EEIG2: variants seen among roughly 807,000 people sequenced by gnomAD.
EEIG2 encodes EEIG family member 2.
the EEIG2 span, chr1:108,628,576 A>C: frequency 6.2e-7 from 1 of 1,604,490 alleles, no homozygotes; most frequent in Non-Finnish European, 8.5e-7. Flanking sequence ...CTTCAGAAAA[A>C]CTCAGCAGGT....
chr1:108,627,403 T>G, the EEIG2 span: 1 of 152,252 alleles, frequency 6.6e-6, no homozygotes, highest in Admixed American at 6.5e-5. Flanking sequence ...GCTTCTAAGT[T>G]AAAAACAGTT....
the EEIG2 span, among the ~76,000 whole-genome samples, chr1:108,587,002 T>G: frequency 6.6e-6 from 1 of 152,174 alleles, no homozygotes; most frequent in African/African-American, 2.4e-5. Context: ...TCCTGTTTCT[T>G]AAGATCTAAC....
At chr1:108,560,110 C>CGGCGGCGGCGG in the EEIG2 span, 1 of 175,514 alleles carries the variant, frequency 5.7e-6, no homozygotes, top group Admixed American at 6.5e-5. Flanking sequence ...AGACGGGCGG[C>CGGCGGCGGCGG]AGCGGCGGCG....
chr1:108,592,972 A>G, the EEIG2 span, among the ~76,000 whole-genome samples: 1 of 152,028 alleles, frequency 6.6e-6, no homozygotes, highest in Non-Finnish European at 1.5e-5. Flanking sequence ...AGCCTGGCCA[A>G]CTTGGTGAAA....
At chr1:108,562,027 A>T in the EEIG2 span, among the ~76,000 whole-genome samples, 2 of 152,192 alleles carry the variant, frequency 1.3e-5, no homozygotes, top group Non-Finnish European at 2.9e-5. Context: ...CTTTCGTTGT[A>T]GGCAGTCATT....
At chr1:108,569,352 C>G in the EEIG2 span, among the ~76,000 whole-genome samples, 1 of 152,214 alleles carries the variant, frequency 6.6e-6, no homozygotes, top group Non-Finnish European at 1.5e-5. Flanking sequence ...GGCAGTTACT[C>G]TGTTGCCCAG....
the EEIG2 span, among the ~76,000 whole-genome samples, chr1:108,634,059 C>G: frequency 2.0e-5 from 3 of 152,158 alleles, no homozygotes; most frequent in African/African-American, 7.2e-5. Flanking sequence ...CTAGTATGTG[C>G]AAACTGTCAT....
chr1:108,569,991 G>A, the EEIG2 span, among the ~76,000 whole-genome samples: 1 of 152,138 alleles, frequency 6.6e-6, no homozygotes, highest in Non-Finnish European at 1.5e-5. Flanking sequence ...GATTTCACTT[G>A]TCACTCAATT....
chr1:108,579,772 T>TGTGTGTGTGAGAGAGAGAGAGA, the EEIG2 span, among the ~76,000 whole-genome samples: 5 of 58,870 alleles, frequency 8.5e-5, no homozygotes, highest in African/African-American at 3.3e-4. Flanking sequence ...TGTGTGTGTG[T>TGTGTGTGTGAGAGAGAGAGAGA]GAGAGAGAGA....
chr1:108,588,728 C>CT, the EEIG2 span, among the ~76,000 whole-genome samples: 19,856 of 121,266 alleles, frequency 0.16, 2,111 homozygotes, highest in African/African-American at 0.33. Context: ...GGTTATTTGA[C>CT]TTTTTTTTTT....
At chr1:108,629,451 C>A in the EEIG2 span, 1 of 552,014 alleles carries the variant, frequency 1.8e-6, no homozygotes. Context: ...TATTTTAAAA[C>A]ATGTATATAA....
At chr1:108,581,585 CTT>C in the EEIG2 span, among the ~76,000 whole-genome samples, 17 of 152,252 alleles carry the variant, frequency 1.1e-4, no homozygotes, top group African/African-American at 4.1e-4. Flanking sequence ...TCATGGATGA[CTT>C]TGAGGGAGTC....
At chr1:108,583,699 T>G in the EEIG2 span, among the ~76,000 whole-genome samples, 1 of 152,098 alleles carries the variant, frequency 6.6e-6, no homozygotes, top group African/African-American at 2.4e-5. Context: ...GCTGAAAGTT[T>G]AAGTCTGAAA....
the EEIG2 span, among the ~76,000 whole-genome samples, chr1:108,592,404 C>G: frequency 6.6e-6 from 1 of 152,222 alleles, no homozygotes; most frequent in Non-Finnish European, 1.5e-5. Flanking sequence ...TTTGTTTGCA[C>G]ATCATGAGGT....
At chr1:108,609,069 A>C in the EEIG2 span, among the ~76,000 whole-genome samples, 1 of 152,232 alleles carries the variant, frequency 6.6e-6, no homozygotes, top group Non-Finnish European at 1.5e-5. Flanking sequence ...GGGTTTCAAC[A>C]TATGAATTTT....
chr1:108,606,263 G>A, the EEIG2 span: 4 of 1,548,146 alleles, frequency 2.6e-6, no homozygotes, highest in African/African-American at 4.1e-5. Context: ...GTAAGCAGAT[G>A]TTCTTTTAAC....
At chr1:108,612,429 A>G in the EEIG2 span, 7 of 569,620 alleles carry the variant, frequency 1.2e-5, no homozygotes, top group Non-Finnish European at 2.1e-5. Flanking sequence ...AGTATTCATC[A>G]CTTAGGGAAA....
chr1:108,620,419 G>A, the EEIG2 span, among the ~76,000 whole-genome samples: 1 of 152,114 alleles, frequency 6.6e-6, no homozygotes, highest in African/African-American at 2.4e-5. Flanking sequence ...TTATTGCATA[G>A]TTCTCTACAA....
At chr1:108,597,062 A>G in the EEIG2 span, among the ~76,000 whole-genome samples, 1 of 152,044 alleles carries the variant, frequency 6.6e-6, no homozygotes, top group African/African-American at 2.4e-5. Context: ...GGTTTCTTTC[A>G]TATTAAGAGA....
Sources: gnomAD v4.1 joint callset for allele counts (sites outside exome capture counted in the v4.1 genomes callset) on GRCh38, gnomAD v4.1.1 for gene constraint, MANE v1.5 for transcripts, NCBI Gene and HGNC (gene_info 2026-07-23, HGNC 2026-07-21) for gene names.